Variants in TGM2 observed in about 807,000 individuals in gnomAD.
TGM2 encodes the protein transglutaminase 2.
Under a neutral mutation model 75.6 loss-of-function variants are expected in TGM2, and 53 were observed. That is an observed-to-expected ratio of 0.70 (90% CI 0.56 to 0.88). The LOEUF is 0.88. Among genes scored for constraint, TGM2 ranks in the 40% least tolerant of loss-of-function variants. The pLI is 0.00. For missense variants in TGM2, 842 were observed against 928.5 expected (o/e 0.91, Z 1.21); for synonymous variants, 374 against 381.1 (o/e 0.98, Z 0.22).
intron 12 of TGM2, among the ~76,000 whole-genome samples, 183 bp from the exon 13 acceptor site, chr20:38,130,552 C>A (rs139655853): frequency 1.3e-5 from 2 of 152,164 alleles, no homozygotes; most frequent in South Asian, 4.1e-4. Flanking sequence ...TGCCTGTGCA[C>A]GCATGTGTGT....
chr20:38,148,219 T>C (rs1306254669), intron 4 of TGM2, 130 bp from the exon 5 acceptor site: 10 of 1,200,444 alleles, frequency 8.3e-6, no homozygotes, highest in Non-Finnish European at 1.2e-5. Context: ...TCCGGCCGAG[T>C]CTACCAAATC....
Position 38,130,010 on chromosome 20 carries a change from C to T in TGM2, c.*209G>A, listed in dbSNP as rs1401663466. The T allele has an allele frequency of 1.5e-6, 1 of 646,654 alleles. No homozygotes were observed. Among genetic ancestry groups the T allele is most frequent in the Non-Finnish European group, 2.6e-6 (1 of 379,632 alleles). 40.1% of individuals were successfully genotyped at this position (646,654 alleles called of 1,614,324 possible). ...GGCTCCCACTGTTTCTGGCACAGAG[C>T]ATTCCTCACAGCAAAGGGGGTGAGT... On this transcript the variant is annotated 3_prime_UTR_variant, in exon 13 of 13. Transcript: ENST00000361475.
intron 4 of TGM2, among the ~76,000 whole-genome samples, chr20:38,150,315 A>G (rs1260192178): frequency 6.6e-6 from 1 of 152,254 alleles, no homozygotes; most frequent in African/African-American, 2.4e-5. Flanking sequence ...CAGCCTAGAC[A>G]GCCATGCATG....
intron 8 of TGM2, among the ~76,000 whole-genome samples, chr20:38,140,912 T>C (rs2074963854): frequency 6.6e-6 from 1 of 152,184 alleles, no homozygotes; most frequent in Admixed American, 6.5e-5. Flanking sequence ...TACATATATA[T>C]ATGTGTGTTT....
chr20:38,137,659 G>C (rs1393273724), intron 10 of TGM2, among the ~76,000 whole-genome samples: 1 of 152,156 alleles, frequency 6.6e-6, no homozygotes, highest in African/African-American at 2.4e-5. Flanking sequence ...GAGGCCGAGA[G>C]CAACCAGAGG....
Position 38,165,254 on chromosome 20 carries a change from C to A in TGM2, c.-56G>T. On this transcript the variant is annotated 5_prime_UTR_variant, in exon 1 of 13. Coordinates refer to ENST00000361475, the MANE Select transcript of TGM2 (RefSeq NM_004613.4). Reference sequence around the variant, plus strand: ...GGCGGCGAGACCCTCCAAGTGCGACCACTGGCGGCTGGCACTGCCGAGGCG... The same window carrying A: ...GGCGGCGAGACCCTCCAAGTGCGACAACTGGCGGCTGGCACTGCCGAGGCG... 6.2e-7 allele frequency: 1 copy of A among 1,610,580 alleles called. No individual in the cohort carries two copies. Among genetic ancestry groups the A allele is most frequent in the Non-Finnish European group, 8.5e-7 (1 of 1,179,628 alleles).
At chr20:38,166,592 C>T (rs1048797599), upstream of TGM2, 6 of 152,212 alleles carry the variant, frequency 3.9e-5, no homozygotes, top group East Asian at 1.9e-4. Flanking sequence ...CTCTACATTC[C>T]GGAGCAAGCT....
At chr20:38,132,978 G>A (rs1013310891) in intron 10 of TGM2, 29 of 399,100 alleles carry the variant, frequency 7.3e-5, no homozygotes, top group African/African-American at 3.7e-4. Flanking sequence ...TTCCCACGGC[G>A]GGCTCCTACT....
chr20:38,135,049 T>TG (rs1372573163), intron 10 of TGM2, among the ~76,000 whole-genome samples: 2 of 152,222 alleles, frequency 1.3e-5, no homozygotes, highest in Admixed American at 1.3e-4. Context: ...AGGGACCTGC[T>TG]GCTCACCCTC....
At chr20:38,161,744 G>A in intron 1 of TGM2, 145 bp from the exon 2 acceptor site, 4 of 963,674 alleles carry the variant, frequency 4.2e-6, no homozygotes, top group Non-Finnish European at 6.5e-6. Context: ...TGTCTCCCCA[G>A]CCCTGGTCAC....
chr20:38,165,748 C>T (rs45524639), upstream of TGM2, among the ~76,000 whole-genome samples: 90 of 151,798 alleles, frequency 5.9e-4, no homozygotes, highest in African/African-American at 2.1e-3. Context: ...AGAGAGCAGA[C>T]GCAGACACAC....
chr20:38,142,053 C>A lies in TGM2; in HGVS notation c.995+11G>T, dbSNP rs2074981516. On this transcript the variant is annotated intron_variant, in intron 7 of 12. Coordinates refer to ENST00000361475, the MANE Select transcript of TGM2 (RefSeq NM_004613.4). ...TACTGGGCTCCGATCCCACCCTGGC[C>A]CCCACCTCACCAGATCATCTCGCTC... is the stretch of plus-strand genomic sequence containing the variant. 1.2e-6 allele frequency: 2 copies of A among 1,614,024 alleles called. No individual in the cohort carries two copies. The highest frequency in any genetic ancestry group is 1.7e-5 in the Admixed American group (1 of 60,006).
In TGM2 at chr20:38,138,313, C is replaced by T. The variant is rs1369829694; in HGVS notation, c.1415G>A (p.Gly472Glu). 6.2e-7 allele frequency: 1 copy of T among 1,614,206 alleles called. No individual in the cohort carries two copies. The highest frequency in any genetic ancestry group is 1.1e-5 in the South Asian group (1 of 91,072). The change falls in exon 10 of 13, where the codon GGG becomes GAG. Residue 472 changes from glycine (G) to glutamate (E), a missense_variant. Physicochemically the swap from Gly to Glu is moderately conservative, Grantham distance 98. Coordinates refer to ENST00000361475, the MANE Select transcript of TGM2 (RefSeq NM_004613.4). ...LNKLAEKEETGMAMRIRVGQS... is the reference protein window; with the variant it reads ...LNKLAEKEETEMAMRIRVGQS... Reference sequence around the variant, plus strand: ...GCCCACACGGATCCGCATGGCCATCCCTGTCTCCTCCTTCTCGGCCAGTTT... The same window carrying T: ...GCCCACACGGATCCGCATGGCCATCTCTGTCTCCTCCTTCTCGGCCAGTTT...
intron 11 of TGM2, 126 bp from the exon 12 acceptor site, chr20:38,131,355 C>CG: frequency 3.2e-6 from 4 of 1,262,480 alleles, no homozygotes; most frequent in Middle Eastern, 4.0e-4. Context: ...GATCACCCCC[C>CG]CTCCCCCCAC....
chr20:38,140,183 G>A (rs1172470535), intron 8 of TGM2, among the ~76,000 whole-genome samples: 3 of 152,238 alleles, frequency 2.0e-5, no homozygotes, highest in Admixed American at 1.3e-4. Context: ...AAGTGAATAC[G>A]GGTGCCTGAT....
At chr20:38,137,004 G>A (rs989242817) in intron 10 of TGM2, among the ~76,000 whole-genome samples, 2 of 152,194 alleles carry the variant, frequency 1.3e-5, no homozygotes, top group Admixed American at 6.5e-5. Context: ...ATGTCACTGC[G>A]AAGGGGATCT....
At chr20:38,156,834 A>T (rs922266041) in intron 2 of TGM2, among the ~76,000 whole-genome samples, 3 of 152,300 alleles carry the variant, frequency 2.0e-5, no homozygotes, top group African/African-American at 7.2e-5. Flanking sequence ...TCTCCCAAGG[A>T]TATCCTAGGA....
intron 2 of TGM2, 60 bp downstream of exon 2, chr20:38,161,359 CG>C: frequency 6.3e-7 from 1 of 1,592,040 alleles, no homozygotes; most frequent in Non-Finnish European, 8.6e-7. Context: ...TGGGGCATGT[CG>C]GGGTGGAGAG....
chr20:38,156,200 A>G (rs2075185460), intron 2 of TGM2, 111 bp from the exon 3 acceptor site: 1 of 1,349,866 alleles, frequency 7.4e-7, no homozygotes, highest in Non-Finnish European at 1.0e-6. Context: ...GCCACTAACC[A>G]CTGAAATAAG....
Sources: allele counts gnomAD v4.1 joint callset (sites outside exome capture counted in the v4.1 genomes callset), GRCh38; gene constraint gnomAD v4.1.1; transcripts MANE v1.5; gene names NCBI Gene and HGNC (gene_info 2026-07-23, HGNC 2026-07-21).